SGIP1: variants seen among roughly 807,000 people sequenced by gnomAD.
SGIP1 encodes the protein SH3-containing GRB2-like protein 3-interacting protein 1.
SGIP1 carries 38 observed loss-of-function variants against 107.5 expected under a neutral mutation model. The ratio of observed to expected loss-of-function variants is 0.35; its 90% CI spans 0.27 to 0.46. The LOEUF (loss-of-function observed/expected upper bound fraction) is 0.46, where lower values mean the gene tolerates loss of function less well. Ranked by LOEUF, SGIP1 falls within the 20% of genes least tolerant of loss-of-function variation. The probability of loss-of-function intolerance (pLI) is 1.00; values close to 1 mark genes in which losing one functional copy is unlikely to be tolerated. For synonymous variants in SGIP1, 365 were observed against 366.1 expected (o/e 1.00, Z 0.03); for missense variants, 929 against 1,019.5 (o/e 0.91, Z 1.21).
intron 1 of SGIP1, among the ~76,000 whole-genome samples, chr1:66,550,540 T>A (rs2057249907): frequency 6.6e-6 from 1 of 152,110 alleles, no homozygotes; most frequent in Admixed American, 6.6e-5. Flanking sequence ...GTTCCATAGT[T>A]TCTCTTAACA....
At chr1:66,686,286 G>T (rs553991227) in intron 15 of SGIP1, among the ~76,000 whole-genome samples, 1 of 152,296 alleles carries the variant, frequency 6.6e-6, no homozygotes, top group South Asian at 2.1e-4. Context: ...GTAGACACAT[G>T]GTCTTCGGGG....
chr1:66,652,876 C>G (rs769027991), intron 7 of SGIP1, among the ~76,000 whole-genome samples: 1 of 152,226 alleles, frequency 6.6e-6, no homozygotes, highest in Non-Finnish European at 1.5e-5. Flanking sequence ...ATGCAAGGCA[C>G]TCAGCCCAGA....
At chr1:66,612,357 G>A (rs1327841172) in intron 1 of SGIP1, among the ~76,000 whole-genome samples, 1 of 152,220 alleles carries the variant, frequency 6.6e-6, no homozygotes, top group Non-Finnish European at 1.5e-5. Context: ...AACATGAGAT[G>A]TGGAAGACAA....
At chr1:66,660,015 A>AAGGAAGGAAGGAAGG (rs2080774395) in intron 7 of SGIP1, 7 of 47,322 alleles carry the variant, frequency 1.5e-4, no homozygotes, top group African/African-American at 9.5e-4. Flanking sequence ...AGACAGACAG[A>AAGGAAGGAAGGAAGG]CAGGAAGGAA....
At chr1:66,552,578 T>C (rs1022899572) in intron 1 of SGIP1, among the ~76,000 whole-genome samples, 1 of 152,168 alleles carries the variant, frequency 6.6e-6, no homozygotes, top group Non-Finnish European at 1.5e-5. Context: ...CTAGGCTGCT[T>C]GACTTTACAC....
At position 66,677,045 on chromosome 1, in the gene SGIP1, A is replaced by G; in HGVS notation, c.688A>G (p.Ile230Val). 1.2e-6 allele frequency: 2 copies of G among 1,614,002 alleles called. No homozygotes were observed. Among genetic ancestry groups the G allele is most frequent in the Non-Finnish European group, 1.7e-6 (2 of 1,180,000 alleles). ...TGAGATATGGGGTTCAGGCCAACCA[A>G]TTAATCCAAGCATGGAGTCGCCAAA... is the stretch of plus-strand genomic sequence containing the variant. ...QPEIWGSGQP[I>V]NPSMESPKLT... Residue 230 changes from isoleucine to valine, a missense_variant, in exon 13 of 25, where the codon ATT (isoleucine) becomes GTT (valine). Transcript: ENST00000371037.
chr1:66,603,690 CA>C lies in SGIP1; in HGVS notation c.11-22155del, dbSNP rs150246545. Among the ~76,000 whole-genome samples, 96 of 152,138 alleles carry C rather than the reference CA, an allele frequency of 6.3e-4. 9 individuals are homozygous for C. In the East Asian group the frequency reaches 0.019, roughly 29 times the overall value. On this transcript the variant is annotated intron_variant, in intron 1 of 24. Transcript: ENST00000371037. ...ATTTTTTTAAGCAAAATGATTAAAG[CA>C]AGGTCTAGAATGGAAGAATAAATTA...
At chr1:66,580,506 G>A (rs963982309) in intron 1 of SGIP1, among the ~76,000 whole-genome samples, 2 of 151,896 alleles carry the variant, frequency 1.3e-5, no homozygotes, top group Non-Finnish European at 2.9e-5. Context: ...TTTCCTATTC[G>A]TAATACTTCT....
chr1:66,634,965 C>G (rs2075503940), intron 3 of SGIP1, among the ~76,000 whole-genome samples: 1 of 152,208 alleles, frequency 6.6e-6, no homozygotes, highest in Non-Finnish European at 1.5e-5. Flanking sequence ...GCCCTTGTTT[C>G]TATAGACCCA....
Position 66,744,535 on chromosome 1 carries a change from G to T in SGIP1, c.*1440G>T, listed in dbSNP as rs1028136548. 19 of 151,962 alleles carry T rather than the reference G, an allele frequency of 1.3e-4. No homozygotes were observed. Among genetic ancestry groups the T allele is most frequent in the African/African-American group, 4.6e-4 (19 of 41,410 alleles). 9.4% of individuals were successfully genotyped at this position (151,962 alleles called of 1,614,324 possible). On this transcript the variant is annotated 3_prime_UTR_variant, in exon 25 of 25. Transcript: ENST00000371037. ...TTACAGGTTATGCTATTAAATAGCTGTAATTATTAAGTTATTATTTTTATA... is the reference window on the plus strand; with the variant it reads ...TTACAGGTTATGCTATTAAATAGCTTTAATTATTAAGTTATTATTTTTATA...
intron 15 of SGIP1, among the ~76,000 whole-genome samples, chr1:66,684,681 G>T (rs1351547639): frequency 6.6e-6 from 1 of 152,174 alleles, no homozygotes; most frequent in Non-Finnish European, 1.5e-5. Flanking sequence ...GGTGGCTTTG[G>T]TAATTCATCT....
intron 8 of SGIP1, among the ~76,000 whole-genome samples, chr1:66,663,130 T>C (rs1419688405): frequency 1.3e-5 from 2 of 151,978 alleles, no homozygotes; most frequent in Non-Finnish European, 2.9e-5. Flanking sequence ...AAGCCCACAT[T>C]CTCACGTGGC....
At chr1:66,535,230 C>A (rs2053319405) in intron 1 of SGIP1, among the ~76,000 whole-genome samples, 1 of 152,202 alleles carries the variant, frequency 6.6e-6, no homozygotes, top group Non-Finnish European at 1.5e-5. Context: ...AGGAAAGAAG[C>A]AAGCAGCTCT....
intron 6 of SGIP1, among the ~76,000 whole-genome samples, chr1:66,643,304 G>A (rs1248616949): frequency 3.9e-5 from 6 of 152,138 alleles, no homozygotes; most frequent in African/African-American, 1.4e-4. Flanking sequence ...ACAACAAATG[G>A]TCAACTGCAG....
intron 1 of SGIP1, among the ~76,000 whole-genome samples, chr1:66,562,725 GA>G (rs951877265): frequency 7.2e-5 from 11 of 152,038 alleles, no homozygotes; most frequent in Admixed American, 1.3e-4. Context: ...CAAGGGGAAA[GA>G]AAAAATTGAA....
At chr1:66,586,628 ATTGTT>A (rs745548648) in intron 1 of SGIP1, among the ~76,000 whole-genome samples, 18 of 152,102 alleles carry the variant, frequency 1.2e-4, no homozygotes, top group Non-Finnish European at 2.2e-4. Context: ...TTGTGATACA[ATTGTT>A]TTAAATATTT....
intron 9 of SGIP1, among the ~76,000 whole-genome samples, chr1:66,668,896 G>A (rs1371513117): frequency 6.6e-6 from 1 of 152,226 alleles, no homozygotes; most frequent in African/African-American, 2.4e-5. Flanking sequence ...TTGACAAAGG[G>A]AGGTTTTTGA....
intron 20 of SGIP1, among the ~76,000 whole-genome samples, chr1:66,732,996 T>C (rs1461444613): frequency 6.6e-6 from 1 of 152,202 alleles, no homozygotes; most frequent in Non-Finnish European, 1.5e-5. Flanking sequence ...TCTTGCCTGA[T>C]TCTTTTTATC....
rs80019255 is a variant in SGIP1, at chr1:66,699,578, C to A, written c.1630+4085C>A. 5.3e-3 allele frequency among the ~76,000 whole-genome samples: 807 copies of A among 152,278 alleles called. 8 individuals carry two copies. The highest frequency in any genetic ancestry group is 0.045 in the East Asian group (234 of 5,166). The stretch of plus-strand genomic sequence containing the variant: ...CACATCCTGGAAGTCATTCCCCTGG[C>A]AAGTCTCATTTCAGCTGTTTCATCA... On this transcript the variant is annotated intron_variant, in intron 18 of 24. Transcript: ENST00000371037.
Sources: allele counts gnomAD v4.1 joint callset (sites outside exome capture counted in the v4.1 genomes callset), GRCh38; gene constraint gnomAD v4.1.1; transcripts MANE v1.5; gene names NCBI Gene and HGNC (gene_info 2026-07-23, HGNC 2026-07-21).